NKAIN2: variants seen among roughly 807,000 people sequenced by gnomAD.
NKAIN2 encodes the protein sodium/potassium transporting ATPase interacting 2.
Under a neutral mutation model 32.6 loss-of-function variants are expected in NKAIN2, and 14 were observed. The observed-to-expected ratio is 0.43, with a 90% CI of 0.28 to 0.67. The LOEUF (loss-of-function observed/expected upper bound fraction) is 0.67, where lower values mean the gene tolerates loss of function less well. NKAIN2 is among the 30% of genes least tolerant of loss of function. The probability of loss-of-function intolerance (pLI) is 0.17; values close to 1 mark genes in which losing one functional copy is unlikely to be tolerated. For synonymous variants in NKAIN2, 80 were observed against 87.2 expected, an observed-to-expected ratio of 0.92 and a Z score of 0.46; for missense variants, 198 against 258.3, an observed-to-expected ratio of 0.77 and a Z score of 1.60.
rs563182747 is a variant in NKAIN2 at position 124,563,846 on chromosome 6, G to A, written c.274-94340G>A. Among the ~76,000 whole-genome samples, 3 of 152,222 alleles carry A rather than the reference G, an allele frequency of 2.0e-5. No homozygotes were observed. The East Asian group carries it at 5.8e-4, about 30-fold the overall frequency. Reference sequence around the variant, plus strand: ...GGTGTCTCCCCGAGGGAAAGTGACAGTAGGGCTTCACTGGGCAATGAAGAG... The same window carrying A: ...GGTGTCTCCCCGAGGGAAAGTGACAATAGGGCTTCACTGGGCAATGAAGAG... On this transcript the variant is annotated intron_variant, in intron 3 of 6. Coordinates refer to ENST00000368417, the MANE Select transcript of NKAIN2 (RefSeq NM_001040214.3).
rs1774550023 is a variant in NKAIN2, at chr6:124,697,418, TTCTAAGATTTTCATCACA to T, written c.474+39033_474+39050del. ...TTAACCATGTAATACCTAACTTATA[TTCTAAGATTTTCATCACA>T]ATTTGTTTCTTCATATAAAACATCT... On this transcript the variant is annotated intron_variant, in intron 4 of 6. Transcript: ENST00000368417. Among the ~76,000 whole-genome samples, 3 of 152,336 alleles carry T rather than the reference TTCTAAGATTTTCATCACA, an allele frequency of 2.0e-5. No individual in the cohort carries two copies. In the East Asian group the frequency reaches 5.8e-4, roughly 29 times the overall value.
At chr6:124,488,742 G>A (rs1777749034) in intron 3 of NKAIN2, among the ~76,000 whole-genome samples, 2 of 151,922 alleles carry the variant, frequency 1.3e-5, no homozygotes, top group Non-Finnish European at 2.9e-5. Flanking sequence ...AGAAAACCAT[G>A]AATCCTGCAA....
At chr6:124,391,912 C>T (rs976177051) in intron 3 of NKAIN2, among the ~76,000 whole-genome samples, 2 of 152,116 alleles carry the variant, frequency 1.3e-5, no homozygotes, top group Admixed American at 1.3e-4. Flanking sequence ...TGCTGAGCAA[C>T]TCAGCACTTC....
At chr6:123,819,933 C>A (rs1773856225) in intron 1 of NKAIN2, among the ~76,000 whole-genome samples, 1 of 152,080 alleles carries the variant, frequency 6.6e-6, no homozygotes, top group African/African-American at 2.4e-5. Flanking sequence ...ACGAAAAGAG[C>A]AGTTTGATAA....
intron 2 of NKAIN2, among the ~76,000 whole-genome samples, chr6:124,320,914 G>T (rs1022786197): frequency 6.6e-6 from 1 of 152,078 alleles, no homozygotes; most frequent in African/African-American, 2.4e-5. Context: ...GACATTAAAG[G>T]AAGCTTCAGC....
intron 1 of NKAIN2, among the ~76,000 whole-genome samples, chr6:124,180,378 A>T (rs756567384): frequency 6.6e-6 from 1 of 152,082 alleles, no homozygotes; most frequent in Non-Finnish European, 1.5e-5. Flanking sequence ...TCCCCTTCAT[A>T]AAACAATCAG....
At chr6:124,146,208 G>C (rs914819324) in intron 1 of NKAIN2, among the ~76,000 whole-genome samples, 8 of 151,878 alleles carry the variant, frequency 5.3e-5, no homozygotes, top group African/African-American at 1.9e-4. Context: ...GAACACATTT[G>C]CAAGATTTAC....
intron 4 of NKAIN2, among the ~76,000 whole-genome samples, chr6:124,681,595 G>A (rs531230509): frequency 4.6e-5 from 7 of 151,976 alleles, no homozygotes; most frequent in South Asian, 4.2e-4. Context: ...TTTTCAGAGG[G>A]GTGATTATTT....
At chr6:123,953,018 T>A (rs184904184) in intron 1 of NKAIN2, among the ~76,000 whole-genome samples, 1 of 152,328 alleles carries the variant, frequency 6.6e-6, no homozygotes, top group African/African-American at 2.4e-5. Flanking sequence ...ATATTCTGAA[T>A]TTACTTTTGT....
intron 4 of NKAIN2, among the ~76,000 whole-genome samples, chr6:124,667,554 C>T (rs943368646): frequency 6.6e-6 from 1 of 151,984 alleles, no homozygotes; most frequent in Non-Finnish European, 1.5e-5. Context: ...CTTCATAATA[C>T]TGTATATAAT....
intron 1 of NKAIN2, among the ~76,000 whole-genome samples, chr6:124,211,393 T>C (rs1791168368): frequency 6.6e-6 from 1 of 151,972 alleles, no homozygotes; most frequent in Non-Finnish European, 1.5e-5. Flanking sequence ...TCCTACCACA[T>C]TGCTGTTTTT....
intron 1 of NKAIN2, among the ~76,000 whole-genome samples, chr6:123,825,617 T>A (rs1774115350): frequency 6.6e-6 from 1 of 152,128 alleles, no homozygotes. Flanking sequence ...TGGCTTGAAA[T>A]GGGCATATTC....
intron 1 of NKAIN2, among the ~76,000 whole-genome samples, chr6:123,945,183 G>T (rs539682243): frequency 2.6e-5 from 4 of 152,090 alleles, no homozygotes; most frequent in African/African-American, 9.6e-5. Context: ...ACCTAGCACA[G>T]GGTGCATCTT....
At chr6:124,743,313 T>C (rs1359815075) in intron 4 of NKAIN2, among the ~76,000 whole-genome samples, 1 of 151,912 alleles carries the variant, frequency 6.6e-6, no homozygotes, top group Non-Finnish European at 1.5e-5. Context: ...CAATGTGTTT[T>C]TGATGTTAAT....
In NKAIN2 at chr6:124,380,226, A is replaced by G. The variant is rs138219591; in HGVS notation, c.273+24879A>G. On this transcript the variant is annotated intron_variant, in intron 3 of 6. Transcript: ENST00000368417. The stretch of plus-strand genomic sequence containing the variant: ...AGGGCTGCTTTCTCTTTGTTCATTT[A>G]GGTTCGGGATTTCCTTAAGAAGTAA... 4.5e-3 allele frequency among the ~76,000 whole-genome samples: 681 copies of G among 152,252 alleles called. 7 individuals carry two copies. The highest frequency in any genetic ancestry group is 0.044 in the Middle Eastern group (13 of 294).
Position 123,804,254 on chromosome 6 carries a change from G to A in NKAIN2, c.54G>A (p.Leu18=). The A allele has an allele frequency of 6.2e-7, 1 of 1,612,942 alleles. No homozygotes were observed. Among genetic ancestry groups the A allele is most frequent in the Non-Finnish European group, 8.5e-7 (1 of 1,178,936 alleles). ...TTATCTTTATCTGTGGCATGCAACT[G>A]GTAAGTGACACTTGGGTCCCCTTAT... is the stretch of plus-strand genomic sequence containing the variant. ...CTLIFICGMQ[L]VCVLERQIFD... Residue 18 remains leucine (L), a splice_region_variant and synonymous_variant, in exon 1 of 7, where the codon CTG becomes CTA. Coordinates refer to ENST00000368417, the MANE Select transcript of NKAIN2 (RefSeq NM_001040214.3).
At position 124,295,787 on chromosome 6, in the gene NKAIN2, A is replaced by G. The variant is rs115879001; in HGVS notation, c.192+12645A>G. Among the ~76,000 whole-genome samples the G allele has an allele frequency of 2.4e-3, 360 of 152,238 alleles. 2 individuals carry two copies. Among genetic ancestry groups the G allele is most frequent in the African/African-American group, 7.7e-3 (319 of 41,568 alleles). On this transcript the variant is annotated intron_variant, in intron 2 of 6. Coordinates refer to ENST00000368417, the MANE Select transcript of NKAIN2 (RefSeq NM_001040214.3). ...TTGTTTTCTGAACTAAAACATCTATAATGCTCCTGGAAATGTTTTCAAAAA... is the reference window on the plus strand; with the variant it reads ...TTGTTTTCTGAACTAAAACATCTATGATGCTCCTGGAAATGTTTTCAAAAA...
intron 4 of NKAIN2, among the ~76,000 whole-genome samples, chr6:124,692,905 C>T (rs1774327949): frequency 6.6e-6 from 1 of 152,120 alleles, no homozygotes; most frequent in African/African-American, 2.4e-5. Flanking sequence ...GCATTTGATA[C>T]AGGAAACATT....
intron 1 of NKAIN2, among the ~76,000 whole-genome samples, chr6:124,012,649 A>G (rs950521009): frequency 2.0e-5 from 3 of 152,038 alleles, no homozygotes; most frequent in Admixed American, 2.0e-4. Context: ...TTCTTCTTAC[A>G]TGCATTAAAA....
Sources: gnomAD v4.1 joint callset for allele counts (sites outside exome capture counted in the v4.1 genomes callset) on GRCh38, gnomAD v4.1.1 for gene constraint, MANE v1.5 for transcripts, NCBI Gene and HGNC (gene_info 2026-07-23, HGNC 2026-07-21) for gene names.